CNTNAP4: variants seen among roughly 807,000 people sequenced by gnomAD.
CNTNAP4 encodes contactin-associated protein-like 4.
CNTNAP4 carries 98 observed loss-of-function variants against 148.4 expected under a neutral mutation model. That is an observed-to-expected ratio of 0.66 (90% CI 0.56 to 0.78). The LOEUF (loss-of-function observed/expected upper bound fraction) is 0.78, where lower values mean the gene tolerates loss of function less well. Ranked by LOEUF, CNTNAP4 falls within the 30% of genes least tolerant of loss-of-function variation. The pLI is 0.00. For missense variants in CNTNAP4, 1,935 were observed against 1,565.6 expected (o/e 1.24, Z -3.98); for synonymous variants, 730 against 565.1 (o/e 1.29, Z -4.14).
chr16:76,277,519 G>A lies in CNTNAP4; in HGVS notation c.-144G>A. On this transcript the variant is annotated 5_prime_UTR_variant, in exon 1 of 24. Transcript: ENST00000611870. ...GGAGGAGGGAAGAAGAAAAGACGGA[G>A]GGAGGTGAGGAGGAAGGGAGGGGGA... 1.7e-6 allele frequency: 1 copy of A among 601,036 alleles called. No homozygotes were observed. Among genetic ancestry groups the A allele is most frequent in the Non-Finnish European group, 3.0e-6 (1 of 338,114 alleles). The allele number at this position is 601,036 out of a possible 1,614,324, so 37.2% of individuals were successfully genotyped here.
chr16:76,540,161 G>GC (rs2084388336), intron 20 of CNTNAP4, among the ~76,000 whole-genome samples: 1 of 152,204 alleles, frequency 6.6e-6, no homozygotes, highest in African/African-American at 2.4e-5. Context: ...TTAGATAAAT[G>GC]CAGTAATAAA....
chr16:76,530,574 G>A (rs1009612824), intron 17 of CNTNAP4, among the ~76,000 whole-genome samples: 12 of 152,148 alleles, frequency 7.9e-5, no homozygotes, highest in Non-Finnish European at 1.5e-5. Flanking sequence ...TTCAGTGTGT[G>A]CGAAGTCTAA....
At chr16:76,287,281 TA>T (rs1173299746) in intron 1 of CNTNAP4, among the ~76,000 whole-genome samples, 1 of 152,118 alleles carries the variant, frequency 6.6e-6, no homozygotes, top group Non-Finnish European at 1.5e-5. Context: ...AAATACATAC[TA>T]GGGGAATGGA....
Position 76,531,737 on chromosome 16 carries a change from C to T in CNTNAP4, c.2756-3808C>T, listed in dbSNP as rs930716549. On this transcript the variant is annotated intron_variant, in intron 17 of 23. Coordinates refer to ENST00000611870, the MANE Select transcript of CNTNAP4 (RefSeq NM_033401.5). ...ATTAGCCACGTTTTTCAAATAGTTA[C>T]ATCTGAAAATAAAGTTACTGACTTG... Among the ~76,000 whole-genome samples, 4 of 152,242 alleles carry T rather than the reference C, an allele frequency of 2.6e-5. No homozygotes were observed. The East Asian group carries it at 7.7e-4, about 29-fold the overall frequency.
At chr16:76,287,769 C>T (rs941347525) in intron 1 of CNTNAP4, 16 of 152,182 alleles carry the variant, frequency 1.1e-4, no homozygotes, top group African/African-American at 3.9e-4. Context: ...CATTTTATAT[C>T]ATACAATATT....
At chr16:76,316,805 T>G (rs954637965) in intron 2 of CNTNAP4, among the ~76,000 whole-genome samples, 1 of 152,206 alleles carries the variant, frequency 6.6e-6, no homozygotes, top group South Asian at 2.1e-4. Context: ...ATGGACACAT[T>G]AGTGATGAAA....
At chr16:76,420,229 TGTATATTCTGTAGAATATATATTAGAATA>T (rs1568094662) in intron 3 of CNTNAP4, among the ~76,000 whole-genome samples, 1 of 151,950 alleles carries the variant, frequency 6.6e-6, no homozygotes, top group Non-Finnish European at 1.5e-5. Context: ...ATTAGAATAA[TGTATATTCTGTAGAATATATATTAGAATA>T]ATGTATATTC....
intron 2 of CNTNAP4, among the ~76,000 whole-genome samples, chr16:76,334,258 G>T (rs530082949): frequency 1.7e-4 from 26 of 151,536 alleles, no homozygotes; most frequent in Admixed American, 3.9e-4. Context: ...TTTTCAGCTT[G>T]TGGGCAGGTA....
intron 12 of CNTNAP4, among the ~76,000 whole-genome samples, chr16:76,486,245 T>C (rs2082021398): frequency 6.6e-6 from 1 of 152,172 alleles, no homozygotes; most frequent in African/African-American, 2.4e-5. Context: ...AAAAGATAAT[T>C]GGTAATAAAG....
intron 3 of CNTNAP4, among the ~76,000 whole-genome samples, chr16:76,422,151 T>C (rs12931184): frequency 0.37 from 55,581 of 152,030 alleles, 11,388 homozygotes; most frequent in Non-Finnish European, 0.44. Flanking sequence ...ATTCCTAAAT[T>C]GTCTATGAAC....
intron 3 of CNTNAP4, among the ~76,000 whole-genome samples, chr16:76,379,571 G>A (rs1356536916): frequency 2.0e-5 from 3 of 152,050 alleles, no homozygotes; most frequent in Non-Finnish European, 1.5e-5. Context: ...CATTGCAGCC[G>A]GAGGTCACGT....
intron 4 of CNTNAP4, among the ~76,000 whole-genome samples, chr16:76,438,937 A>G (rs139364535): frequency 1.1e-4 from 17 of 152,318 alleles, no homozygotes; most frequent in African/African-American, 4.1e-4. Context: ...CATTTGTACA[A>G]TTACAACTTG....
rs982650311 is a variant in CNTNAP4, at chr16:76,452,810, A to C, written c.1333+41A>C. 4 of 1,479,046 alleles carry C rather than the reference A, an allele frequency of 2.7e-6. No homozygotes were observed. In the African/African-American group the frequency reaches 5.7e-5, roughly 21 times the overall value. The allele number at this position is 1,479,046 out of a possible 1,614,324, so 91.6% of individuals were successfully genotyped here. ...CCTGGGGCAAAGCATATGGATTTGA[A>C]AGATTTCATTATCTCTGTGGCCAAA... On this transcript the variant is annotated intron_variant, in intron 8 of 23. Transcript: ENST00000611870.
At chr16:76,285,830 A>C (rs1291176659) in intron 1 of CNTNAP4, among the ~76,000 whole-genome samples, 2 of 151,880 alleles carry the variant, frequency 1.3e-5, no homozygotes, top group Non-Finnish European at 2.9e-5. Flanking sequence ...TGTAAGCCTT[A>C]GGGTTGATAG....
chr16:76,428,592 C>T (rs201970385), intron 4 of CNTNAP4, among the ~76,000 whole-genome samples: 1 of 151,974 alleles, frequency 6.6e-6, no homozygotes, highest in Non-Finnish European at 1.5e-5. Context: ...AAACTCTATC[C>T]GACAGAGAGA....
At chr16:76,283,828 C>A (rs980230030) in intron 1 of CNTNAP4, among the ~76,000 whole-genome samples, 7 of 151,876 alleles carry the variant, frequency 4.6e-5, no homozygotes, top group Non-Finnish European at 1.0e-4. Flanking sequence ...GTTAAACAAA[C>A]AAAAGAAGTC....
chr16:76,527,507 A>G (rs891401902), intron 17 of CNTNAP4, among the ~76,000 whole-genome samples: 1 of 152,180 alleles, frequency 6.6e-6, no homozygotes, highest in African/African-American at 2.4e-5. Context: ...CGGTGTGCAT[A>G]TCGACTATCC....
intron 15 of CNTNAP4, among the ~76,000 whole-genome samples, chr16:76,502,802 T>C (rs1176665269): frequency 2.0e-5 from 3 of 152,158 alleles, no homozygotes; most frequent in African/African-American, 7.2e-5. Flanking sequence ...TTAACACTTT[T>C]TTTTTTTAAC....
chr16:76,378,300 A>G (rs1414029511), intron 3 of CNTNAP4, among the ~76,000 whole-genome samples: 1 of 152,234 alleles, frequency 6.6e-6, no homozygotes, highest in Admixed American at 6.5e-5. Flanking sequence ...ATAAAAAAAT[A>G]TAATGAGGAC....
Sources: gnomAD v4.1 joint callset for allele counts (sites outside exome capture counted in the v4.1 genomes callset) on GRCh38, gnomAD v4.1.1 for gene constraint, MANE v1.5 for transcripts, NCBI Gene and HGNC (gene_info 2026-07-23, HGNC 2026-07-21) for gene names.